Variants in ARK2N observed in about 807,000 individuals in gnomAD.
ARK2N encodes the protein arkadia (RNF111) N-terminal like PKA signaling regulator 2N.
At chr18:46,188,953 G>A in the ARK2N span, among the ~76,000 whole-genome samples, 5 of 152,110 alleles carry the variant, frequency 3.3e-5, no homozygotes, top group African/African-American at 4.8e-5. Flanking sequence ...GGTGGCTCAC[G>A]CCTGTAATCC....
the ARK2N span, among the ~76,000 whole-genome samples, chr18:46,237,645 T>G: frequency 1.3e-5 from 2 of 152,208 alleles, no homozygotes; most frequent in African/African-American, 4.8e-5. Flanking sequence ...TGCCTTGGCC[T>G]CTTAAGTACT....
the ARK2N span, among the ~76,000 whole-genome samples, chr18:46,177,431 C>CTT: frequency 1.7e-4 from 15 of 89,310 alleles, no homozygotes; most frequent in East Asian, 6.1e-4. Flanking sequence ...TTTTTCTTTA[C>CTT]TTTTTTTTTT....
the ARK2N span, among the ~76,000 whole-genome samples, chr18:46,198,587 A>G: frequency 1.3e-5 from 2 of 151,996 alleles, no homozygotes; most frequent in African/African-American, 4.8e-5. Context: ...TACAAATACC[A>G]TATTGTACCC....
the ARK2N span, among the ~76,000 whole-genome samples, chr18:46,213,090 C>T: frequency 6.7e-6 from 1 of 149,276 alleles, no homozygotes; most frequent in Non-Finnish European, 1.5e-5. Context: ...CAAGCTCCAC[C>T]TCCCGGGTTC....
chr18:46,264,271 T>A, the ARK2N span: 2 of 152,652 alleles, frequency 1.3e-5, no homozygotes, highest in African/African-American at 4.8e-5. Context: ...ATTCAGGAAA[T>A]GCCAGCATTG....
chr18:46,221,300 C>A, the ARK2N span, among the ~76,000 whole-genome samples: 1 of 151,420 alleles, frequency 6.6e-6, no homozygotes, highest in Non-Finnish European at 1.5e-5. Context: ...AATCCCAGCA[C>A]TTTGGGAGGC....
At chr18:46,239,312 G>A in the ARK2N span, among the ~76,000 whole-genome samples, 5 of 152,120 alleles carry the variant, frequency 3.3e-5, no homozygotes, top group African/African-American at 9.7e-5. Context: ...ATATTGTTTA[G>A]TTGGAGTATG....
At chr18:46,173,888 C>G in the ARK2N span, 1 of 152,274 alleles carries the variant, frequency 6.6e-6, no homozygotes, top group Non-Finnish European at 1.5e-5. Flanking sequence ...CTTCACGCCC[C>G]GCGGTCTGCA....
At chr18:46,251,967 C>T in the ARK2N span, among the ~76,000 whole-genome samples, 2 of 151,994 alleles carry the variant, frequency 1.3e-5, no homozygotes, top group African/African-American at 4.8e-5. Context: ...CCAAGGTGGG[C>T]TGATCACCTG....
At chr18:46,175,837 T>C in the ARK2N span, among the ~76,000 whole-genome samples, 1 of 152,196 alleles carries the variant, frequency 6.6e-6, no homozygotes, top group African/African-American at 2.4e-5. Context: ...AAATTTTTTC[T>C]GACAACTTTT....
chr18:46,181,754 A>G, the ARK2N span, among the ~76,000 whole-genome samples: 1 of 152,098 alleles, frequency 6.6e-6, no homozygotes, highest in African/African-American at 2.4e-5. Context: ...TGGGTAGTCT[A>G]GAAATTAAGT....
chr18:46,263,167 C>A, the ARK2N span: 1 of 1,494,648 alleles, frequency 6.7e-7, no homozygotes, highest in Non-Finnish European at 9.1e-7. Context: ...ACTTCCTCAT[C>A]CTCTTTGTGA....
At chr18:46,262,962 T>C in the ARK2N span, 1 of 1,614,080 alleles carries the variant, frequency 6.2e-7, no homozygotes, top group Non-Finnish European at 8.5e-7. Flanking sequence ...TGATTCAGAG[T>C]GTTTCTTCAT....
At chr18:46,184,919 A>G in the ARK2N span, among the ~76,000 whole-genome samples, 5 of 152,226 alleles carry the variant, frequency 3.3e-5, no homozygotes, top group African/African-American at 1.2e-4. Context: ...ATATTTGCGT[A>G]TACACACACA....
the ARK2N span, chr18:46,232,673 C>G: frequency 6.6e-6 from 1 of 152,060 alleles, no homozygotes; most frequent in Admixed American, 6.6e-5. Flanking sequence ...TGCAACCAAA[C>G]TGTTTGTTTG....
chr18:46,197,525 C>A, the ARK2N span, among the ~76,000 whole-genome samples: 1 of 152,200 alleles, frequency 6.6e-6, no homozygotes, highest in African/African-American at 2.4e-5. Context: ...TGAGCCACCA[C>A]GCCTAGCCAA....
At chr18:46,205,818 T>G in the ARK2N span, among the ~76,000 whole-genome samples, 1 of 151,404 alleles carries the variant, frequency 6.6e-6, no homozygotes. Context: ...CTTGACCCCG[T>G]GGGCTCACAC....
chr18:46,174,661 C>T, the ARK2N span, among the ~76,000 whole-genome samples: 1 of 152,146 alleles, frequency 6.6e-6, no homozygotes, highest in African/African-American at 2.4e-5. Context: ...AGTCCTTTTC[C>T]GGGGGTGCTG....
the ARK2N span, among the ~76,000 whole-genome samples, chr18:46,186,573 C>T: frequency 1.1e-4 from 15 of 139,718 alleles, no homozygotes; most frequent in East Asian, 4.4e-4. Flanking sequence ...GGCGGGATCT[C>T]GGCTCACTAC....
Sources: allele counts gnomAD v4.1 joint callset (sites outside exome capture counted in the v4.1 genomes callset), GRCh38; gene constraint gnomAD v4.1.1; transcripts MANE v1.5; gene names NCBI Gene and HGNC (gene_info 2026-07-23, HGNC 2026-07-21).